Variants in CLTCL1 observed in about 807,000 individuals in gnomAD.
CLTCL1 encodes clathrin heavy chain 2.
In CLTCL1, 159 loss-of-function variants were observed where a neutral mutation model predicts 190.0. The observed-to-expected ratio is 0.84, with a 90% CI of 0.74 to 0.95. CLTCL1 has a LOEUF of 0.95. Ranked by LOEUF, CLTCL1 falls within the 40% of genes least tolerant of loss-of-function variation. The pLI is 0.00. For missense variants in CLTCL1, 1,878 were observed against 2,033.4 expected (o/e 0.92, Z 1.47); for synonymous variants, 752 against 769.6 (o/e 0.98, Z 0.38).
At chr22:19,181,089 G>T in intron 30 of CLTCL1, 1 of 493,418 alleles carries the variant, frequency 2.0e-6, no homozygotes, top group Non-Finnish European at 3.7e-6. Flanking sequence ...TACAGGCTGT[G>T]CATGTGGCCT....
intron 2 of CLTCL1, among the ~76,000 whole-genome samples, chr22:19,256,655 G>GTCTAATT (rs1569230032): frequency 7.6e-4 from 114 of 150,976 alleles, no homozygotes; most frequent in Admixed American, 3.2e-3. Context: ...ACCATGCCCA[G>GTCTAATT]TCTAATTTTT....
chr22:19,182,765 CAACA>C (rs1220032954), intron 30 of CLTCL1: 1 of 152,362 alleles, frequency 6.6e-6, no homozygotes, highest in Non-Finnish European at 1.5e-5. Flanking sequence ...GTGTTAGAAA[CAACA>C]AACTGTACCA....
chr22:19,204,649 T>C (rs1266696840), intron 22 of CLTCL1, among the ~76,000 whole-genome samples: 3 of 152,188 alleles, frequency 2.0e-5, no homozygotes, highest in Non-Finnish European at 4.4e-5. Flanking sequence ...AATGCATAAA[T>C]GAAGTATTCT....
intron 22 of CLTCL1, among the ~76,000 whole-genome samples, chr22:19,206,259 G>A (rs1176110199): frequency 4.0e-5 from 6 of 151,826 alleles, no homozygotes; most frequent in East Asian, 1.9e-4. Context: ...ACAGGGTCTC[G>A]CTCTTTGCCT....
At chr22:19,233,815 C>A (rs993778605) in intron 7 of CLTCL1, among the ~76,000 whole-genome samples, 193 bp from the exon 8 acceptor site, 1 of 152,178 alleles carries the variant, frequency 6.6e-6, no homozygotes, top group Non-Finnish European at 1.5e-5. Flanking sequence ...TCTAGGTCCT[C>A]CAGGTGGCTT....
intron 1 of CLTCL1, among the ~76,000 whole-genome samples, chr22:19,288,246 T>C (rs1232051663): frequency 1.3e-5 from 2 of 152,180 alleles, no homozygotes; most frequent in Non-Finnish European, 2.9e-5. Context: ...TGCTGGCATA[T>C]TGTTATTATT....
intron 3 of CLTCL1, among the ~76,000 whole-genome samples, chr22:19,253,357 T>C (rs1297212588): frequency 1.1e-4 from 16 of 152,046 alleles, no homozygotes; most frequent in Admixed American, 6.5e-5. Context: ...CCCCAAGACC[T>C]CCCTCCCTGC....
rs781922343 is a variant in CLTCL1 at position 19,261,462 on chromosome 22, G to A, written c.251-7235C>T. 1.1e-4 allele frequency among the ~76,000 whole-genome samples: 17 copies of A among 152,128 alleles called. 1 individual carries two copies. The highest frequency in any genetic ancestry group is 1.6e-4 in the Non-Finnish European group (11 of 68,028). On this transcript the variant is annotated intron_variant, in intron 2 of 32. Coordinates refer to ENST00000427926, the MANE Select transcript of CLTCL1 (RefSeq NM_007098.4). Reference sequence around the variant, plus strand: ...CTGCCATAAATATGTCTCCTTTGATGGATCTAGGCGAAGTAAATTGATAAC... The same window carrying A: ...CTGCCATAAATATGTCTCCTTTGATAGATCTAGGCGAAGTAAATTGATAAC...
At position 19,221,428 on chromosome 22, in the gene CLTCL1, A is replaced by G. The variant is rs2085564603; in HGVS notation, c.2745T>C (p.His915=). The stretch of plus-strand genomic sequence containing the variant: ...CCCGCTCATAGGCAACACAGGCCAG[A>G]TGGGGGTCTCGCTTCTCACAGTAGC... The part of the protein sequence containing the change: ...VGRYCEKRDP[H]LACVAYERGQ... Residue 915 remains histidine (H), a synonymous_variant, in exon 17 of 33, where the codon CAT becomes CAC. Transcript: ENST00000427926. 6.4e-7 allele frequency: 1 copy of G among 1,564,702 alleles called. No individual in the cohort carries two copies. The highest frequency in any genetic ancestry group is 8.7e-7 in the Non-Finnish European group (1 of 1,154,152).
Position 19,199,759 on chromosome 22 carries a change from A to G in CLTCL1, c.3848T>C (p.Leu1283Pro). Residue 1283 changes from leucine (L) to proline (P), a missense_variant, in exon 24 of 33, where the codon CTG (leucine) becomes CCG (proline). Coordinates refer to ENST00000427926, the MANE Select transcript of CLTCL1 (RefSeq NM_007098.4). ...GLHIVIHADE[L>P]EELMCYYQDR... ...CTGGTAATAGCACATCAGCTCCTCC[A>G]GCTCATCTGCATGAATGACGATGTG... 1 of 1,592,496 alleles carries G rather than the reference A, an allele frequency of 6.3e-7. No homozygotes were observed. Among genetic ancestry groups the G allele is most frequent in the Non-Finnish European group, 8.5e-7 (1 of 1,169,670 alleles).
At chr22:19,283,240 T>G (rs2087785462) in intron 1 of CLTCL1, among the ~76,000 whole-genome samples, 2 of 152,108 alleles carry the variant, frequency 1.3e-5, no homozygotes, top group African/African-American at 4.8e-5. Context: ...TATATTATTC[T>G]GATAGGTAAC....
rs1555952355 is a variant in CLTCL1 at position 19,221,524 on chromosome 22, G to A, written c.2649C>T (p.Tyr883=). 5 of 1,605,442 alleles carry A rather than the reference G, an allele frequency of 3.1e-6. No homozygotes were observed. The South Asian group carries it at 5.6e-5, about 18-fold the overall frequency. ...PATHNALAKI[Y]IDSNNSPECF... ...ACTCGGGGCTGTTGTTGCTGTCGAT[G>A]TAGATTTTAGCCAGTGCATTGTGAG... Residue 883 remains tyrosine (Y), a synonymous_variant, in exon 17 of 33, where the codon TAC becomes TAT. Transcript: ENST00000427926.
chr22:19,199,916 C>G (rs2236759), intron 23 of CLTCL1, 75 bp from the exon 24 acceptor site: 402,596 of 951,572 alleles, frequency 0.42, 89,434 homozygotes, highest in South Asian at 0.55. Context: ...ACAAGGCACA[C>G]AGTTGCAAAT....
At chr22:19,220,683 C>T (rs1420320313) in intron 17 of CLTCL1, among the ~76,000 whole-genome samples, 3 of 152,182 alleles carry the variant, frequency 2.0e-5, no homozygotes, top group Admixed American at 6.5e-5. Flanking sequence ...CACGTGCTTG[C>T]GGATGCAGCG....
At chr22:19,233,102 A>T (rs2085964853) in intron 9 of CLTCL1, 64 bp downstream of exon 9, 2 of 1,542,732 alleles carry the variant, frequency 1.3e-6, no homozygotes, top group South Asian at 2.4e-5. Flanking sequence ...TAAACTTTAA[A>T]ATCAGCAACC....
At chr22:19,220,029 G>A (rs781784145) in intron 17 of CLTCL1, 22 bp from the exon 18 acceptor site, 3 of 1,613,502 alleles carry the variant, frequency 1.9e-6, no homozygotes, top group Non-Finnish European at 2.5e-6. Flanking sequence ...ACACTCATGT[G>A]TGTGACACAG....
intron 2 of CLTCL1, chr22:19,257,903 C>T: frequency 7.5e-7 from 1 of 1,328,920 alleles, no homozygotes; most frequent in South Asian, 1.1e-5. Context: ...GAGACTGGGC[C>T]ATTACTTCAA....
intron 2 of CLTCL1, chr22:19,257,773 T>C (rs1601669090): frequency 7.1e-7 from 1 of 1,408,674 alleles, no homozygotes; most frequent in Non-Finnish European, 9.5e-7. Context: ...AAGGAGACCA[T>C]GCAAAGCCTG....
At chr22:19,218,132 C>T (rs1300354606) in intron 18 of CLTCL1, among the ~76,000 whole-genome samples, 1 of 152,094 alleles carries the variant, frequency 6.6e-6, no homozygotes, top group Non-Finnish European at 1.5e-5. Context: ...CCAATTACAG[C>T]AGAGATAATG....
Sources: allele counts gnomAD v4.1 joint callset (sites outside exome capture counted in the v4.1 genomes callset), GRCh38; gene constraint gnomAD v4.1.1; transcripts MANE v1.5; gene names NCBI Gene and HGNC (gene_info 2026-07-23, HGNC 2026-07-21).